The following CCDC77 variants were observed in gnomAD, a reference collection of about 807,000 sequenced individuals.
CCDC77 encodes the protein coiled-coil domain containing 77.
In CCDC77, 56 loss-of-function variants were observed where a neutral mutation model predicts 66.8. The ratio of observed to expected loss-of-function variants is 0.84; its 90% CI spans 0.68 to 1.05. CCDC77 has a LOEUF of 1.05. Among genes scored for constraint, CCDC77 ranks in the 50% least tolerant of loss-of-function variants. The probability of loss-of-function intolerance (pLI) is 0.00; values close to 1 mark genes in which losing one functional copy is unlikely to be tolerated. For synonymous variants in CCDC77, 196 were observed against 195.2 expected (o/e 1.00, Z -0.03); for missense variants, 570 against 576.8 (o/e 0.99, Z 0.12).
At chr12:419,182 G>T (rs1181899779) in intron 5 of CCDC77, among the ~76,000 whole-genome samples, 1 of 152,204 alleles carries the variant, frequency 6.6e-6, no homozygotes, top group Non-Finnish European at 1.5e-5. Context: ...GGTAACAGAA[G>T]CCTTAACCAA....
intron 1 of CCDC77, among the ~76,000 whole-genome samples, chr12:402,569 G>T (rs1396747589): frequency 6.6e-6 from 1 of 152,186 alleles, no homozygotes; most frequent in Non-Finnish European, 1.5e-5. Context: ...ACATTTAGGA[G>T]AGTAGAGAGA....
chr12:410,581 G>A lies in CCDC77; in HGVS notation c.38+1160G>A, dbSNP rs574476792. 5.3e-5 allele frequency among the ~76,000 whole-genome samples: 8 copies of A among 150,366 alleles called. No individual in the cohort carries two copies. In the South Asian group the frequency reaches 1.3e-3, roughly 24 times the overall value. On this transcript the variant is annotated intron_variant, in intron 3 of 12. Coordinates refer to ENST00000239830, the MANE Select transcript of CCDC77 (RefSeq NM_032358.4). Reference sequence around the variant, plus strand: ...GTATTTTTGGTAGAAACTAGGTTCCGCTATGTTGGCCAGGCTGGTCTGGAG... The same window carrying A: ...GTATTTTTGGTAGAAACTAGGTTCCACTATGTTGGCCAGGCTGGTCTGGAG...
chr12:411,901 A>G lies in CCDC77; in HGVS notation c.193A>G (p.Lys65Glu), dbSNP rs1476412226. ...SKELLEYYQK[K>E]MAECEAENED... is the part of the protein sequence containing the mutation. ...GGAGCTCCTGGAATATTATCAAAAGAAGATGGCTGAGTGTGAGGCAGAAAA... is the reference window on the plus strand; with the variant it reads ...GGAGCTCCTGGAATATTATCAAAAGGAGATGGCTGAGTGTGAGGCAGAAAA... The change falls in exon 4 of 13, where the codon AAG (lysine) becomes GAG (glutamate). Residue 65 changes from lysine to glutamate, a missense_variant. By Grantham distance (56) the Lys-to-Glu change is moderately conservative. Coordinates refer to ENST00000239830, the MANE Select transcript of CCDC77 (RefSeq NM_032358.4). 6.2e-7 allele frequency: 1 copy of G among 1,614,078 alleles called. No homozygotes were observed.
chr12:413,970 C>G (rs1212887826), intron 4 of CCDC77, among the ~76,000 whole-genome samples: 1 of 151,778 alleles, frequency 6.6e-6, no homozygotes, highest in Admixed American at 6.6e-5. Flanking sequence ...CCTTGCCATG[C>G]CACTAAAACC....
intron 5 of CCDC77, among the ~76,000 whole-genome samples, chr12:425,890 C>T (rs933764986): frequency 6.6e-6 from 1 of 151,926 alleles, no homozygotes; most frequent in African/African-American, 2.4e-5. Flanking sequence ...TTTGAGATGG[C>T]GTCTCAGTCT....
At chr12:393,031 C>T (rs540761438) in intron 1 of CCDC77, among the ~76,000 whole-genome samples, 1 of 150,432 alleles carries the variant, frequency 6.6e-6, no homozygotes, top group South Asian at 2.1e-4. Context: ...CAACCCGTTA[C>T]AATATGTTCT....
At chr12:409,061 C>G (rs1945052396) in intron 2 of CCDC77, among the ~76,000 whole-genome samples, 2 of 151,850 alleles carry the variant, frequency 1.3e-5, no homozygotes, top group Non-Finnish European at 2.9e-5. Context: ...AAAAATTCGC[C>G]AGGCGTAGTG....
Position 434,233 on chromosome 12 carries a change from T to C in CCDC77, c.821+911T>C, listed in dbSNP as rs183401896. 6.4e-4 allele frequency among the ~76,000 whole-genome samples: 97 copies of C among 152,296 alleles called. 1 individual carries two copies. The highest frequency in any genetic ancestry group is 3.3e-3 in the Admixed American group (51 of 15,294). ...AATGGCAAACTCTGTCCTCATTGTT[T>C]TTGTTCCTAACCTGCTTACCTTTCT... On this transcript the variant is annotated intron_variant, in intron 9 of 12. Transcript: ENST00000239830.
At chr12:413,410 TG>T (rs1246606209) in intron 4 of CCDC77, among the ~76,000 whole-genome samples, 1 of 148,976 alleles carries the variant, frequency 6.7e-6, no homozygotes, top group Non-Finnish European at 1.5e-5. Context: ...CTAATTTTTT[TG>T]TATTTTTTTA....
intron 1 of CCDC77, among the ~76,000 whole-genome samples, chr12:392,463 G>A (rs896242510): frequency 6.6e-6 from 1 of 152,060 alleles, no homozygotes; most frequent in African/African-American, 2.4e-5. Context: ...AATTATTGAG[G>A]CCAGGCACGG....
chr12:427,761 C>G (rs1050243482), intron 5 of CCDC77, among the ~76,000 whole-genome samples: 9 of 152,116 alleles, frequency 5.9e-5, no homozygotes, highest in Non-Finnish European at 1.0e-4. Flanking sequence ...GCATGAAACA[C>G]CACACCCGGC....
At chr12:427,128 C>T (rs567910946) in intron 5 of CCDC77, among the ~76,000 whole-genome samples, 1 of 152,054 alleles carries the variant, frequency 6.6e-6, no homozygotes, top group Admixed American at 6.6e-5. Context: ...GCCTGTAGTC[C>T]CAGCTACTCG....
Position 411,445 on chromosome 12 carries a change from G to T in CCDC77, c.39-302G>T, listed in dbSNP as rs555114600. 2.0e-5 allele frequency among the ~76,000 whole-genome samples: 3 copies of T among 151,916 alleles called. No individual in the cohort carries two copies. In the East Asian group the frequency reaches 5.8e-4, roughly 29 times the overall value. On this transcript the variant is annotated intron_variant, in intron 3 of 12. Coordinates refer to ENST00000239830, the MANE Select transcript of CCDC77 (RefSeq NM_032358.4). ...TCTGCCTGCTTTGGCCTCCCAAAGT[G>T]CTAGGATTACAGGTGTGAGCCACCA... is the stretch of plus-strand genomic sequence containing the variant.
chr12:429,831 G>A (rs1334710311), intron 6 of CCDC77, among the ~76,000 whole-genome samples: 1 of 152,000 alleles, frequency 6.6e-6, no homozygotes, highest in Admixed American at 6.6e-5. Context: ...TGTTGCCTAG[G>A]CTGGACTCAC....
At chr12:425,786 T>A (rs1433061230) in intron 5 of CCDC77, among the ~76,000 whole-genome samples, 2 of 152,192 alleles carry the variant, frequency 1.3e-5, no homozygotes, top group African/African-American at 2.4e-5. Flanking sequence ...GCCGTCTGAT[T>A]TAACGCGATA....
intron 4 of CCDC77, among the ~76,000 whole-genome samples, chr12:414,866 GTGTCCTCCTTGCCAGTACCTGCC>G (rs1945192317): frequency 6.6e-6 from 1 of 152,118 alleles, no homozygotes; most frequent in African/African-American, 2.4e-5. Flanking sequence ...AACTGTGACG[GTGTCCTCCTTGCCAGTACCTGCC>G]TCTGGCCTCT....
chr12:425,651 G>T (rs1231977468), intron 5 of CCDC77, among the ~76,000 whole-genome samples: 1 of 152,014 alleles, frequency 6.6e-6, no homozygotes, highest in Non-Finnish European at 1.5e-5. Flanking sequence ...CTTTACATCG[G>T]AGGGAATATC....
rs757252304 is a variant in CCDC77, at chr12:389,519, TTACTAG to T, written c.-113+34_-113+39del. 5.7e-3 allele frequency: 830 copies of T among 146,838 alleles called. 2 individuals carry two copies. The highest frequency in any genetic ancestry group is 9.8e-3 in the Admixed American group (76 of 7,730). The allele number at this position is 146,838 out of a possible 1,614,324, so 9.1% of individuals were successfully genotyped here. A position where few individuals can be genotyped will look rare whatever the true frequency, so the allele number is the denominator to read the frequency against. On this transcript the variant is annotated intron_variant, in intron 1 of 11. Coordinates refer to the CCDC77 transcript ENST00000422000. ...GTCGGGGAGGGGCACAAGCTCTTCT[TTACTAG>T]AGGTACGGATTGAGGGAAGCCGACG...
intron 5 of CCDC77, among the ~76,000 whole-genome samples, chr12:424,082 C>CA (rs368955313): frequency 1.1e-4 from 17 of 152,056 alleles, no homozygotes; most frequent in African/African-American, 3.9e-4. Flanking sequence ...GCTGTCCTCC[C>CA]ATGTCAGCCT....
Sources: allele counts gnomAD v4.1 joint callset (sites outside exome capture counted in the v4.1 genomes callset), GRCh38; gene constraint gnomAD v4.1.1; transcripts MANE v1.5; gene names NCBI Gene and HGNC (gene_info 2026-07-23, HGNC 2026-07-21).